The following LRSAM1 variants were observed in gnomAD, a reference collection of about 807,000 sequenced individuals.
LRSAM1 encodes leucine rich repeat and sterile alpha motif containing 1, also known as E3 ubiquitin-protein ligase LRSAM1.
LRSAM1 carries 96 observed loss-of-function variants against 118.1 expected under a neutral mutation model. That is an observed-to-expected ratio of 0.81 (90% CI 0.69 to 0.96). The LOEUF (loss-of-function observed/expected upper bound fraction) is 0.96, where lower values mean the gene tolerates loss of function less well. LRSAM1 is among the 40% of genes least tolerant of loss of function. The pLI, the probability that LRSAM1 is intolerant of heterozygous loss-of-function variation, is 0.00. For missense variants in LRSAM1, 804 were observed against 915.5 expected, an observed-to-expected ratio of 0.88 and a Z score of 1.57; for synonymous variants, 322 against 364.2, an observed-to-expected ratio of 0.88 and a Z score of 1.32.
At chr9:127,489,320 C>T (rs1835842022) in intron 18 of LRSAM1, 124 bp from the exon 19 acceptor site, 1 of 1,132,062 alleles carries the variant, frequency 8.8e-7, no homozygotes, top group African/African-American at 1.5e-5. Context: ...AAATCTTCTC[C>T]CTCTCTCAGA....
At chr9:127,467,860 A>G (rs766431704) in intron 10 of LRSAM1, 30 bp downstream of exon 10, 2 of 1,549,642 alleles carry the variant, frequency 1.3e-6, no homozygotes, top group Admixed American at 1.9e-5. Context: ...TCCTCCCCTC[A>G]TTGAGGAACT....
chr9:127,489,728 C>T (rs374436016), intron 19 of LRSAM1, among the ~76,000 whole-genome samples: 3 of 152,308 alleles, frequency 2.0e-5, no homozygotes, highest in African/African-American at 7.2e-5. Flanking sequence ...CCTCCTATTC[C>T]GGGGTCTGGC....
intron 15 of LRSAM1, 21 bp downstream of exon 15, chr9:127,481,248 G>C: frequency 6.2e-7 from 1 of 1,610,900 alleles, no homozygotes; most frequent in Non-Finnish European, 8.5e-7. Flanking sequence ...TTCCAGGGGA[G>C]GGCAGCATTT....
In LRSAM1 at chr9:127,454,478, T is replaced by G. The variant is rs570954827; in HGVS notation, c.-32-18T>G. Reference sequence around the variant, plus strand: ...TGTGACAAATTCCCCAGTCCCTAACTTCTCTCCTGTGCCCCAGGGTCCTAA... The same window carrying G: ...TGTGACAAATTCCCCAGTCCCTAACGTCTCTCCTGTGCCCCAGGGTCCTAA... On this transcript the variant is annotated intron_variant, in intron 2 of 25. Coordinates refer to ENST00000300417, the MANE Select transcript of LRSAM1 (RefSeq NM_001005373.4). 3.1e-5 allele frequency: 49 copies of G among 1,604,872 alleles called. No individual in the cohort carries two copies. Among genetic ancestry groups the G allele is most frequent in the Admixed American group, 1.3e-4 (8 of 59,756 alleles).
chr9:127,470,609 C>T (rs1835131141), intron 10 of LRSAM1, among the ~76,000 whole-genome samples: 1 of 152,090 alleles, frequency 6.6e-6, no homozygotes, highest in East Asian at 1.9e-4. Context: ...CTGGAAACAG[C>T]TTTAATGTCC....
chr9:127,478,830 C>A, intron 11 of LRSAM1, 104 bp from the exon 12 acceptor site: 1 of 1,142,560 alleles, frequency 8.8e-7, no homozygotes, highest in Non-Finnish European at 1.3e-6. Flanking sequence ...CTGGGGTGGG[C>A]CAGAGTTTGT....
chr9:127,486,300 G>C (rs1022681232), intron 17 of LRSAM1: 10 of 207,858 alleles, frequency 4.8e-5, no homozygotes, highest in Admixed American at 3.7e-4. Context: ...CCCACGGTTG[G>C]GGGTGGGATG....
chr9:127,496,937 T>C (rs1390266376), intron 23 of LRSAM1, among the ~76,000 whole-genome samples: 1 of 152,210 alleles, frequency 6.6e-6, no homozygotes, highest in Non-Finnish European at 1.5e-5. Flanking sequence ...GTGGCTGAGG[T>C]GTGCAGGTGA....
At chr9:127,475,256 C>T (rs898917037) in intron 11 of LRSAM1, among the ~76,000 whole-genome samples, 9 of 151,950 alleles carry the variant, frequency 5.9e-5, no homozygotes, top group Admixed American at 4.6e-4. Flanking sequence ...ATTGGGAGGC[C>T]GAGGCTGGTG....
intron 13 of LRSAM1, 83 bp from the exon 14 acceptor site, chr9:127,479,756 A>AG (rs757927845): frequency 1.3e-6 from 2 of 1,554,520 alleles, no homozygotes; most frequent in Non-Finnish European, 1.7e-6. Flanking sequence ...AGGGTGGGAA[A>AG]GCCAGCCTCC....
intron 6 of LRSAM1, 60 bp from the exon 7 acceptor site, chr9:127,458,943 G>A (rs1057344082): frequency 6.3e-7 from 1 of 1,584,884 alleles, no homozygotes; most frequent in Admixed American, 1.7e-5. Flanking sequence ...TCAGCGCTCT[G>A]GAGCCCGGAG....
At chr9:127,501,495 G>A (rs1350476747) in intron 25 of LRSAM1, among the ~76,000 whole-genome samples, 1 of 152,148 alleles carries the variant, frequency 6.6e-6, no homozygotes, top group Non-Finnish European at 1.5e-5. Context: ...ACTTTTGGAG[G>A]CCAAGGCAGG....
intron 19 of LRSAM1, among the ~76,000 whole-genome samples, chr9:127,489,915 G>A (rs776245063): frequency 3.3e-5 from 5 of 152,240 alleles, no homozygotes; most frequent in African/African-American, 7.2e-5. Context: ...AGACAGAGGC[G>A]TCTCAGGGGC....
intron 21 of LRSAM1, among the ~76,000 whole-genome samples, chr9:127,493,512 C>T (rs961366032): frequency 3.9e-5 from 6 of 152,170 alleles, no homozygotes; most frequent in African/African-American, 1.2e-4. Context: ...TATTCCTTGA[C>T]GTCCTTTCTC....
chr9:127,457,473 G>A (rs1834563586), intron 6 of LRSAM1, 80 bp downstream of exon 6: 2 of 1,325,790 alleles, frequency 1.5e-6, no homozygotes, highest in Non-Finnish European at 2.1e-6. Context: ...CTTTTGGGCT[G>A]CCTCTTGCAT....
chr9:127,466,504 A>ATATATATATATATATATT (rs1554755061), intron 9 of LRSAM1, among the ~76,000 whole-genome samples: 4 of 24,510 alleles, frequency 1.6e-4, no homozygotes, highest in Non-Finnish European at 2.2e-4. Context: ...ATATATATAT[A>ATATATATATATATATATT]TTTTTTTTTT....
rs201671353 is a variant in LRSAM1 at position 127,497,347 on chromosome 9, C to T, written c.1912+13C>T. 2.0e-5 allele frequency: 32 copies of T among 1,609,506 alleles called. No homozygotes were observed. The Admixed American group carries it at 4.2e-4, about 21-fold the overall frequency. ...AGGATCCAGCCAGGTACAAGCACAG[C>T]TCCAGCCTCTTCCAGGCAGGGCTCC... On this transcript the variant is annotated intron_variant, in intron 24 of 25. Coordinates refer to ENST00000300417, the MANE Select transcript of LRSAM1 (RefSeq NM_001005373.4).
At chr9:127,462,127 A>G (rs1441589584) in intron 8 of LRSAM1, 125 bp from the exon 9 acceptor site, 29 of 1,363,682 alleles carry the variant, frequency 2.1e-5, no homozygotes, top group Non-Finnish European at 2.9e-5. Context: ...TCTTGAGCCT[A>G]GGAAACCTCA....
At position 127,502,207 on chromosome 9, in the gene LRSAM1, T is replaced by C. The variant is rs565307420; in HGVS notation, c.2047-567T>C. Among the ~76,000 whole-genome samples, 12 of 152,366 alleles carry C rather than the reference T, an allele frequency of 7.9e-5. No homozygotes were observed. The South Asian group carries it at 2.5e-3, about 32-fold the overall frequency. ...CGCAGGAATATAATCCCCAGTTTTA[T>C]TTAAGAAAGAATCAGTTGGGGCATT... On this transcript the variant is annotated intron_variant, in intron 25 of 25. Coordinates refer to ENST00000300417, the MANE Select transcript of LRSAM1 (RefSeq NM_001005373.4).
Sources: gnomAD v4.1 joint callset for allele counts (sites outside exome capture counted in the v4.1 genomes callset) on GRCh38, gnomAD v4.1.1 for gene constraint, MANE v1.5 for transcripts, NCBI Gene and HGNC (gene_info 2026-07-23, HGNC 2026-07-21) for gene names.